Variants in ELF2 observed in about 807,000 individuals in gnomAD.
ELF2 encodes the protein E74 like ETS transcription factor 2.
In ELF2, 11 loss-of-function variants were observed where a neutral mutation model predicts 54.8. The ratio of observed to expected loss-of-function variants is 0.20; its 90% CI spans 0.13 to 0.33. ELF2 has a LOEUF of 0.33. ELF2 is among the 10% of genes least tolerant of loss of function. ELF2 has a pLI of 1.00. For missense variants in ELF2, 513 were observed against 703.0 expected (o/e 0.73, Z 3.06); for synonymous variants, 203 against 245.1 (o/e 0.83, Z 1.61).
chr4:139,156,657 A>T (rs1194545213), intron 1 of ELF2, among the ~76,000 whole-genome samples: 2 of 133,992 alleles, frequency 1.5e-5, no homozygotes, highest in East Asian at 4.1e-4. Context: ...TGTTGTTGTT[A>T]AAGACAGAGT....
intron 1 of ELF2, among the ~76,000 whole-genome samples, chr4:139,161,448 CTAATT>C (rs1741131283): frequency 6.6e-6 from 1 of 151,872 alleles, no homozygotes. Flanking sequence ...TTTGATAAGA[CTAATT>C]TAATAGTGTT....
intron 1 of ELF2, among the ~76,000 whole-genome samples, chr4:139,150,088 C>G (rs1196118950): frequency 6.6e-6 from 1 of 151,936 alleles, no homozygotes; most frequent in Non-Finnish European, 1.5e-5. Context: ...GCCTGTAATC[C>G]CAATACTTTG....
chr4:139,073,063 TG>T (rs1729747459), intron 5 of ELF2, among the ~76,000 whole-genome samples: 1 of 152,196 alleles, frequency 6.6e-6, no homozygotes, highest in South Asian at 2.1e-4. Context: ...CTACCATGTG[TG>T]GTTCTCTGGA....
chr4:139,137,471 T>C lies in ELF2; in HGVS notation c.72+159A>G. The C allele has an allele frequency of 7.0e-6, 5 of 711,766 alleles. 1 individual carries two copies. The South Asian group carries it at 9.5e-5, about 14-fold the overall frequency. The allele number at this position is 711,766 out of a possible 1,614,324, so 44.1% of individuals were successfully genotyped here. A position where few individuals can be genotyped will look rare whatever the true frequency, so the allele number is the denominator to read the frequency against. On this transcript the variant is annotated intron_variant, in intron 3 of 9. Coordinates refer to ENST00000686138, the MANE Select transcript of ELF2 (RefSeq NM_001331036.3). ...AAGCCCTGCAATACCTTCCTTGACC[T>C]TCTATTACCTAAATTATATAAGGAT...
At chr4:139,169,174 C>T (rs1742010742) in intron 1 of ELF2, among the ~76,000 whole-genome samples, 1 of 151,502 alleles carries the variant, frequency 6.6e-6, no homozygotes, top group South Asian at 2.1e-4. Context: ...ATGGTGAAAC[C>T]CCATTCCTAC....
At chr4:139,172,425 C>T (rs1440549595) in intron 1 of ELF2, among the ~76,000 whole-genome samples, 1 of 152,148 alleles carries the variant, frequency 6.6e-6, no homozygotes, top group Admixed American at 6.6e-5. Context: ...CATGAATCAT[C>T]CCTTTATCCA....
intron 1 of ELF2, among the ~76,000 whole-genome samples, chr4:139,149,777 T>C (rs865864259): frequency 5.6e-4 from 86 of 152,334 alleles, no homozygotes; most frequent in African/African-American, 1.9e-3. Flanking sequence ...ACCATGTTCA[T>C]AGGTAGGTAT....
intron 4 of ELF2, chr4:139,084,389 G>A: frequency 2.1e-6 from 3 of 1,448,742 alleles, no homozygotes; most frequent in Non-Finnish European, 1.8e-6. Flanking sequence ...CCGCCGCCGG[G>A]CTGAGAAACC....
intron 6 of ELF2, 70 bp from the exon 7 acceptor site, chr4:139,067,840 T>C: frequency 7.2e-7 from 1 of 1,394,460 alleles, no homozygotes; most frequent in Non-Finnish European, 9.9e-7. Context: ...TTAGCAGACT[T>C]TCTGATTACA....
chr4:139,099,111 T>C (rs750874025), intron 4 of ELF2, among the ~76,000 whole-genome samples: 3 of 152,232 alleles, frequency 2.0e-5, no homozygotes, highest in Admixed American at 6.5e-5. Flanking sequence ...TTCCAAATAA[T>C]GTTTCATACA....
intron 3 of ELF2, among the ~76,000 whole-genome samples, chr4:139,126,159 G>T (rs760304712): frequency 6.6e-6 from 1 of 151,972 alleles, no homozygotes; most frequent in Non-Finnish European, 1.5e-5. Flanking sequence ...ACAAGTAAAA[G>T]AATTTTTGGA....
At chr4:139,170,072 A>C (rs896128713) in intron 1 of ELF2, among the ~76,000 whole-genome samples, 1 of 152,134 alleles carries the variant, frequency 6.6e-6, no homozygotes, top group Non-Finnish European at 1.5e-5. Flanking sequence ...TTAATTCAAA[A>C]TAGATGATAA....
At chr4:139,158,457 G>A (rs143359675) in intron 1 of ELF2, among the ~76,000 whole-genome samples, 2,944 of 152,228 alleles carry the variant, frequency 0.019, 52 homozygotes, top group Non-Finnish European at 0.028. Context: ...TTTGGAGGTG[G>A]TATGGAGAGA....
chr4:139,073,377 TA>T (rs1203789352), intron 5 of ELF2, 76 bp downstream of exon 5: 3 of 973,816 alleles, frequency 3.1e-6, no homozygotes, highest in East Asian at 2.7e-5. Context: ...TCCATTGGAT[TA>T]AAAAAACAAA....
intron 3 of ELF2, among the ~76,000 whole-genome samples, chr4:139,133,747 G>A (rs1737806101): frequency 6.6e-6 from 1 of 151,328 alleles, no homozygotes; most frequent in Non-Finnish European, 1.5e-5. Context: ...GGGACTATAT[G>A]CACGTGCCAG....
intron 6 of ELF2, among the ~76,000 whole-genome samples, chr4:139,070,134 C>T (rs1420309325): frequency 1.3e-5 from 2 of 151,986 alleles, no homozygotes; most frequent in Non-Finnish European, 2.9e-5. Flanking sequence ...TGAGCCACCA[C>T]ACCCAGCCTT....
chr4:139,060,275 ACT>A, intron 9 of ELF2, 47 bp downstream of exon 9: 1 of 1,460,248 alleles, frequency 6.8e-7, no homozygotes, highest in Non-Finnish European at 9.1e-7. Flanking sequence ...CACCACGGAG[ACT>A]TTTTTAAAAA....
In ELF2 at chr4:139,059,298, G is replaced by A. The variant is rs138206990; in HGVS notation, c.1467C>T (p.Thr489=). 2.6e-4 allele frequency: 419 copies of A among 1,613,902 alleles called. No individual in the cohort carries two copies. The highest frequency in any genetic ancestry group is 3.5e-4 in the Non-Finnish European group (410 of 1,179,868). ...TGSGSINIVG[T]PLAVRALTPV... ...GGGTAAGTGCTCTCACAGCCAATGG[G>A]GTTCCAACAATGTTAATGCTTCCTG... Residue 489 remains threonine, a synonymous_variant, in exon 10 of 10, where the codon ACC becomes ACT. Transcript: ENST00000686138.
chr4:139,064,602 G>A (rs759518577), intron 7 of ELF2, among the ~76,000 whole-genome samples: 8 of 152,232 alleles, frequency 5.3e-5, no homozygotes, highest in South Asian at 4.1e-4. Flanking sequence ...ACCTTCGGCC[G>A]GGCGTGTTGG....
Sources: gnomAD v4.1 joint callset for allele counts (sites outside exome capture counted in the v4.1 genomes callset) on GRCh38, gnomAD v4.1.1 for gene constraint, MANE v1.5 for transcripts, NCBI Gene and HGNC (gene_info 2026-07-23, HGNC 2026-07-21) for gene names.